The following CACNA2D3 variants were observed in gnomAD, a reference collection of about 807,000 sequenced individuals.
CACNA2D3 encodes the protein voltage-dependent calcium channel subunit alpha-2/delta-3.
A neutral mutation model predicts 160.6 loss-of-function variants in CACNA2D3; 60 were observed. That is an observed-to-expected ratio of 0.37 (90% CI 0.30 to 0.46). The LOEUF is 0.46. Among genes scored for constraint, CACNA2D3 ranks in the 20% least tolerant of loss-of-function variants. The pLI is 1.00. For synonymous variants in CACNA2D3, 558 were observed against 492.9 expected (o/e 1.13, Z -1.75); for missense variants, 1,205 against 1,365.0 (o/e 0.88, Z 1.85).
chr3:54,568,112 T>C (rs901483965), intron 6 of CACNA2D3, among the ~76,000 whole-genome samples: 1 of 152,214 alleles, frequency 6.6e-6, no homozygotes, highest in African/African-American at 2.4e-5. Context: ...CAGTCTCTGT[T>C]CCTTTGGCCC....
chr3:54,300,535 C>T (rs187882972), intron 2 of CACNA2D3, among the ~76,000 whole-genome samples: 114 of 152,296 alleles, frequency 7.5e-4, no homozygotes, highest in Middle Eastern at 6.8e-3. Context: ...AATTCTAATC[C>T]GGTCCATTGT....
chr3:54,226,248 A>G (rs929302956), intron 2 of CACNA2D3, among the ~76,000 whole-genome samples: 2 of 151,458 alleles, frequency 1.3e-5, no homozygotes, highest in African/African-American at 4.9e-5. Context: ...AACCCCAGGA[A>G]GAGGGAAATG....
chr3:54,646,370 C>G (rs1269194012), intron 11 of CACNA2D3, among the ~76,000 whole-genome samples: 1 of 151,578 alleles, frequency 6.6e-6, no homozygotes, highest in Non-Finnish European at 1.5e-5. Context: ...GGTATTAAGC[C>G]CAGCATCCAT....
At chr3:54,332,504 T>A (rs1704288796) in intron 3 of CACNA2D3, among the ~76,000 whole-genome samples, 1 of 152,246 alleles carries the variant, frequency 6.6e-6, no homozygotes, top group Admixed American at 6.5e-5. Context: ...TTTACTTATA[T>A]GCCACTTTGA....
At chr3:54,515,199 TGA>T (rs778355205) in intron 5 of CACNA2D3, among the ~76,000 whole-genome samples, 271 of 143,672 alleles carry the variant, frequency 1.9e-3, no homozygotes, top group Middle Eastern at 3.7e-3. Flanking sequence ...TGTGTGTGTG[TGA>T]GAGAGAGAGA....
intron 25 of CACNA2D3, 139 bp from the exon 26 acceptor site, chr3:54,896,609 GC>G (rs1365661752): frequency 1.1e-6 from 1 of 884,116 alleles, no homozygotes; most frequent in East Asian, 2.4e-5. Context: ...GTTAAGTGAG[GC>G]CCCCTCTATA....
At chr3:54,920,344 G>A (rs907603790) in intron 27 of CACNA2D3, among the ~76,000 whole-genome samples, 6 of 152,184 alleles carry the variant, frequency 3.9e-5, no homozygotes, top group Admixed American at 2.0e-4. Context: ...ACACACCAGG[G>A]TGAGTGGCAG....
At chr3:54,461,687 G>C (rs1189632641) in intron 4 of CACNA2D3, among the ~76,000 whole-genome samples, 2 of 151,236 alleles carry the variant, frequency 1.3e-5, no homozygotes, top group Non-Finnish European at 3.0e-5. Context: ...ATTAGTCTTG[G>C]TAGTGATCTA....
intron 2 of CACNA2D3, among the ~76,000 whole-genome samples, chr3:54,283,621 G>A (rs1435050382): frequency 6.6e-6 from 1 of 152,180 alleles, no homozygotes; most frequent in Non-Finnish European, 1.5e-5. Flanking sequence ...AATTGGTGAG[G>A]TCAGAAAGCA....
At chr3:54,618,330 T>C (rs1698899527) in intron 9 of CACNA2D3, among the ~76,000 whole-genome samples, 1 of 143,038 alleles carries the variant, frequency 7.0e-6, no homozygotes, top group Non-Finnish European at 1.5e-5. Flanking sequence ...CTGGTCAAAG[T>C]TCAAATTGAT....
At chr3:54,739,887 T>A (rs1337981284) in intron 11 of CACNA2D3, among the ~76,000 whole-genome samples, 1 of 152,064 alleles carries the variant, frequency 6.6e-6, no homozygotes, top group African/African-American at 2.4e-5. Context: ...TTCATATTCC[T>A]TTGCCTTCCC....
chr3:54,223,534 C>G (rs1285257232), intron 2 of CACNA2D3, among the ~76,000 whole-genome samples: 3 of 152,080 alleles, frequency 2.0e-5, no homozygotes, highest in Non-Finnish European at 4.4e-5. Flanking sequence ...CTACTGTAGA[C>G]TTTATAAATA....
chr3:54,342,193 T>C (rs1301748693), intron 3 of CACNA2D3, among the ~76,000 whole-genome samples: 1 of 152,204 alleles, frequency 6.6e-6, no homozygotes, highest in Admixed American at 6.5e-5. Context: ...CCTAAACATA[T>C]ATTAGAATGT....
At chr3:54,926,356 A>G (rs995943509) in intron 27 of CACNA2D3, among the ~76,000 whole-genome samples, 28 of 152,168 alleles carry the variant, frequency 1.8e-4, no homozygotes, top group African/African-American at 6.8e-4. Flanking sequence ...GCCCAAGTTC[A>G]CACAGAGTAT....
intron 27 of CACNA2D3, among the ~76,000 whole-genome samples, chr3:54,960,883 T>C (rs1575408952): frequency 6.6e-6 from 1 of 152,230 alleles, no homozygotes; most frequent in East Asian, 1.9e-4. Context: ...TGGTAAGTCA[T>C]TTATCTTGGA....
intron 5 of CACNA2D3, among the ~76,000 whole-genome samples, chr3:54,536,739 G>C (rs1701895713): frequency 6.6e-6 from 1 of 152,196 alleles, no homozygotes; most frequent in African/African-American, 2.4e-5. Context: ...GGGGTGAGAT[G>C]AGGACCCTGG....
intron 4 of CACNA2D3, among the ~76,000 whole-genome samples, chr3:54,417,807 T>A (rs868363004): frequency 2.8e-5 from 1 of 36,050 alleles, no homozygotes; most frequent in Non-Finnish European, 5.8e-5. Flanking sequence ...GGGGGGGGGG[T>A]GGGGGGGTTA....
At chr3:54,347,152 A>G (rs974130897) in intron 3 of CACNA2D3, among the ~76,000 whole-genome samples, 10 of 152,216 alleles carry the variant, frequency 6.6e-5, no homozygotes, top group African/African-American at 2.2e-4. Context: ...TTTATACGCA[A>G]GGGCCCGGTT....
intron 2 of CACNA2D3, among the ~76,000 whole-genome samples, chr3:54,254,613 G>C (rs1457563311): frequency 6.6e-6 from 1 of 152,168 alleles, no homozygotes; most frequent in African/African-American, 2.4e-5. Context: ...CTAATGCATA[G>C]GGTTCTTCAG....
Sources: allele counts gnomAD v4.1 joint callset (sites outside exome capture counted in the v4.1 genomes callset), GRCh38; gene constraint gnomAD v4.1.1; transcripts MANE v1.5; gene names NCBI Gene and HGNC (gene_info 2026-07-23, HGNC 2026-07-21).